PTPRC: variants seen among roughly 807,000 people sequenced by gnomAD.
The protein encoded by PTPRC is protein tyrosine phosphatase receptor type C.
In PTPRC, 44 loss-of-function variants were observed where a neutral mutation model predicts 155.9. The ratio of observed to expected loss-of-function variants is 0.28; its 90% CI spans 0.22 to 0.36. The LOEUF (loss-of-function observed/expected upper bound fraction) is 0.36. Ranked by LOEUF, PTPRC falls within the 10% of genes least tolerant of loss-of-function variation. The probability of loss-of-function intolerance (pLI) is 1.00; values close to 1 mark genes in which losing one functional copy is unlikely to be tolerated. For synonymous variants in PTPRC, 525 were observed against 533.1 expected (o/e 0.98, Z 0.21); for missense variants, 1,401 against 1,564.6 (o/e 0.90, Z 1.76).
At chr1:198,677,586 G>A (rs898532511) in intron 2 of PTPRC, among the ~76,000 whole-genome samples, 1 of 151,786 alleles carries the variant, frequency 6.6e-6, no homozygotes, top group Non-Finnish European at 1.5e-5. Context: ...AATAGGGTAA[G>A]CATTCTTCCT....
At chr1:198,638,961 C>T (rs1323306088), upstream of PTPRC, 19 of 340,558 alleles carry the variant, frequency 5.6e-5, no homozygotes, top group South Asian at 6.2e-4. Context: ...TGCCATTCTA[C>T]TGACTTAGAA....
At chr1:198,755,731 A>G (rs1263495254) in intron 32 of PTPRC, among the ~76,000 whole-genome samples, 175 bp from the exon 33 acceptor site, 1 of 152,130 alleles carries the variant, frequency 6.6e-6, no homozygotes, top group African/African-American at 2.4e-5. Flanking sequence ...TCAACCCTTT[A>G]GCACCATAAA....
At chr1:198,716,405 A>T (rs1039579343) in intron 12 of PTPRC, among the ~76,000 whole-genome samples, 1 of 152,274 alleles carries the variant, frequency 6.6e-6, no homozygotes, top group Non-Finnish European at 1.5e-5. Context: ...GATCGTCTTC[A>T]CAAATGAATC....
At chr1:198,657,006 A>G (rs1052592002) in intron 2 of PTPRC, among the ~76,000 whole-genome samples, 2 of 149,876 alleles carry the variant, frequency 1.3e-5, no homozygotes, top group Non-Finnish European at 3.0e-5. Context: ...CCACCATAGG[A>G]TGGAATCAAG....
At chr1:198,701,483 G>T (rs948485273) in intron 5 of PTPRC, among the ~76,000 whole-genome samples, 29 of 152,056 alleles carry the variant, frequency 1.9e-4, no homozygotes, top group Non-Finnish European at 3.4e-4. Flanking sequence ...TATTTCTTTT[G>T]CTTTTTCCAT....
chr1:198,724,488 C>A (rs1654035824), intron 15 of PTPRC, among the ~76,000 whole-genome samples: 1 of 152,080 alleles, frequency 6.6e-6, no homozygotes, highest in Non-Finnish European at 1.5e-5. Flanking sequence ...TCTGAGTTCA[C>A]TGATATATGT....
chr1:198,696,789 G>T lies in PTPRC; in HGVS notation c.178G>T (p.Ala60Ser). The T allele has an allele frequency of 6.2e-7, 1 of 1,613,830 alleles. No homozygotes were observed. The highest frequency in any genetic ancestry group is 8.5e-7 in the Non-Finnish European group (1 of 1,179,812). Residue 60 changes from alanine (A) to serine (S), a missense_variant, in exon 4 of 33, where the codon GCA becomes TCA. Coordinates refer to ENST00000442510, the MANE Select transcript of PTPRC (RefSeq NM_002838.5). ...TACTCACACCACTGCATTCTCACCC[G>T]CAAGCACCTTTGAAAGAGAAAATGA... ...LPTHTTAFSP[A>S]STFERENDFS... is the part of the protein sequence containing the mutation.
intron 29 of PTPRC, 65 bp from the exon 30 acceptor site, chr1:198,752,184 G>A (rs1437887292): frequency 2.0e-6 from 3 of 1,522,570 alleles, no homozygotes; most frequent in Non-Finnish European, 2.7e-6. Flanking sequence ...GGGAGAAAGA[G>A]GGAGACTGAT....
At position 198,708,255 on chromosome 1, in the gene PTPRC, C is replaced by G. The variant is rs775327712; in HGVS notation, c.1027C>G (p.Gln343Glu). The change falls in exon 10 of 33, where the codon CAG (glutamine) becomes GAG (glutamate). Residue 343 changes from glutamine (Q) to glutamate (E), a missense_variant. By Grantham distance (29) the Gln-to-Glu change is conservative. This residue lies in a region of PTPRC where 867 missense variants were observed against 970.4 expected (regional missense o/e 0.89). Transcript: ENST00000442510. Reference sequence around the variant, plus strand: ...TACACAGAATATTACCTACAGATTTCAGTGTGGTAAGAATATAACATTGAC... The same window carrying G: ...TACACAGAATATTACCTACAGATTTGAGTGTGGTAAGAATATAACATTGAC... Reference protein sequence around the residue: ...CDTQNITYRFQCGNMIFDNKE... With the variant: ...CDTQNITYRFECGNMIFDNKE... The G allele has an allele frequency of 6.2e-7, 1 of 1,605,972 alleles. No homozygotes were observed. The highest frequency in any genetic ancestry group is 2.2e-5 in the East Asian group (1 of 44,592).
chr1:198,681,583 A>C (rs1316248878), intron 2 of PTPRC, among the ~76,000 whole-genome samples: 1 of 152,150 alleles, frequency 6.6e-6, no homozygotes, highest in Non-Finnish European at 1.5e-5. Context: ...TGTGAGTTCT[A>C]TTTACAAATA....
At chr1:198,711,226 C>G (rs543761878) in intron 11 of PTPRC, among the ~76,000 whole-genome samples, 1 of 152,248 alleles carries the variant, frequency 6.6e-6, no homozygotes, top group Non-Finnish European at 1.5e-5. Context: ...GCTACAAGAA[C>G]AGCAAATAAA....
In PTPRC at chr1:198,722,393, T is replaced by C; in HGVS notation, c.1660-23T>C. The C allele has an allele frequency of 1.5e-6, 2 of 1,348,400 alleles. 1 individual carries two copies. The allele number at this position is 1,348,400 out of a possible 1,614,324, so 83.5% of individuals were successfully genotyped here. On this transcript the variant is annotated intron_variant, in intron 14 of 32. Transcript: ENST00000442510. ...ATTCACATTAGCAAACTAATTATTTTATTTTTTGTTACTGAAATTCAGGCC... is the reference window on the plus strand; with the variant it reads ...ATTCACATTAGCAAACTAATTATTTCATTTTTTGTTACTGAAATTCAGGCC...
intron 32 of PTPRC, 76 bp from the exon 33 acceptor site, chr1:198,755,830 T>C (rs1571899714): frequency 7.0e-6 from 10 of 1,432,300 alleles, no homozygotes; most frequent in Non-Finnish European, 9.8e-6. Flanking sequence ...TCATTAGTTC[T>C]TGCTAATCTT....
intron 31 of PTPRC, 55 bp downstream of exon 31, chr1:198,752,827 T>C (rs1655449860): frequency 6.4e-7 from 1 of 1,567,598 alleles, no homozygotes; most frequent in African/African-American, 1.4e-5. Flanking sequence ...GACTTCTCGG[T>C]TCACATGTTG....
chr1:198,675,841 T>C (rs1664922171), intron 2 of PTPRC, among the ~76,000 whole-genome samples: 1 of 152,208 alleles, frequency 6.6e-6, no homozygotes, highest in Admixed American at 6.5e-5. Context: ...GGATAAGTAA[T>C]TTCTGTTGTA....
At position 198,732,563 on chromosome 1, in the gene PTPRC, A is replaced by G. The variant is rs764731559; in HGVS notation, c.2142+7A>G. On this transcript the variant is annotated splice_region_variant and intron_variant, in intron 20 of 32. Transcript: ENST00000442510. Reference sequence around the variant, plus strand: ...AAATGCCAGCTATATTGATGTGAGTAAAAATTTGCATTTTTCTTATACCTA... The same window carrying G: ...AAATGCCAGCTATATTGATGTGAGTGAAAATTTGCATTTTTCTTATACCTA... The G allele has an allele frequency of 3.7e-6, 6 of 1,601,220 alleles. No homozygotes were observed. The Middle Eastern group carries it at 8.4e-4, about 225-fold the overall frequency.
intron 2 of PTPRC, among the ~76,000 whole-genome samples, chr1:198,659,589 C>T (rs1663822976): frequency 6.8e-6 from 1 of 147,618 alleles, no homozygotes; most frequent in Non-Finnish European, 1.5e-5. Flanking sequence ...GGCTGGAGTT[C>T]AATGGCATGA....
intron 23 of PTPRC, among the ~76,000 whole-genome samples, chr1:198,737,419 G>A (rs769161545): frequency 2.0e-5 from 3 of 151,546 alleles, no homozygotes; most frequent in Non-Finnish European, 4.4e-5. Flanking sequence ...TGAATATCCA[G>A]TTTTCACAGT....
chr1:198,688,471 C>T (rs952765174), intron 2 of PTPRC, among the ~76,000 whole-genome samples: 1 of 152,100 alleles, frequency 6.6e-6, no homozygotes, highest in African/African-American at 2.4e-5. Flanking sequence ...AACATCTAAA[C>T]AAAAGGTCTG....
Sources: allele counts gnomAD v4.1 joint callset (sites outside exome capture counted in the v4.1 genomes callset), GRCh38; gene constraint gnomAD v4.1.1; regional missense constraint gnomAD v4.1.1; transcripts MANE v1.5; gene names NCBI Gene and HGNC (gene_info 2026-07-23, HGNC 2026-07-21).